CRMP1: variants seen among roughly 807,000 people sequenced by gnomAD.
CRMP1 encodes the protein collapsin response mediator protein 1, also known as dihydropyrimidinase-related protein 1.
CRMP1 carries 19 observed loss-of-function variants against 68.3 expected under a neutral mutation model. That is an observed-to-expected ratio of 0.28 (90% CI 0.19 to 0.41). The LOEUF is 0.41. Among genes scored for constraint, CRMP1 ranks in the 10% least tolerant of loss-of-function variants. The probability of loss-of-function intolerance (pLI) is 1.00; values close to 1 mark genes in which losing one functional copy is unlikely to be tolerated. For synonymous variants in CRMP1, 439 were observed against 399.6 expected, an observed-to-expected ratio of 1.10 and a Z score of -1.18; for missense variants, 791 against 967.4, an observed-to-expected ratio of 0.82 and a Z score of 2.42.
intron 6 of CRMP1, among the ~76,000 whole-genome samples, chr4:5,849,117 C>A (rs1406896459): frequency 6.6e-6 from 1 of 152,190 alleles, no homozygotes; most frequent in African/African-American, 2.4e-5. Flanking sequence ...AGGAGACTGG[C>A]ATGGAACACC....
intron 12 of CRMP1, chr4:5,827,983 A>G: frequency 1.1e-6 from 1 of 951,846 alleles, no homozygotes; most frequent in Non-Finnish European, 1.3e-6. Context: ...AAGGAACGAC[A>G]GGGCAGAAAC....
At chr4:5,832,263 A>G (rs1455293238) in intron 11 of CRMP1, among the ~76,000 whole-genome samples, 1 of 152,240 alleles carries the variant, frequency 6.6e-6, no homozygotes, top group Non-Finnish European at 1.5e-5. Flanking sequence ...AACCTTCTCA[A>G]TATACTAAAA....
chr4:5,821,945 G>C lies in CRMP1; in HGVS notation c.1970-94C>G. On this transcript the variant is annotated intron_variant, in intron 13 of 13. Transcript: ENST00000324989. The surrounding 1 kb of genome is among the most constrained non-coding windows in gnomAD (Gnocchi z 4.4). ...CATGTACTCTGCCATGCACTCCACT[G>C]GACCCACCTTCATTCAGGGCTCAGT... is the stretch of plus-strand genomic sequence containing the variant. The C allele has an allele frequency of 3.9e-5, 38 of 964,014 alleles. No individual in the cohort carries two copies. The highest frequency in any genetic ancestry group is 2.3e-4 in the Middle Eastern group (1 of 4,352). The allele number at this position is 964,014 out of a possible 1,614,324, so 59.7% of individuals were successfully genotyped here.
intron 12 of CRMP1, among the ~76,000 whole-genome samples, chr4:5,827,603 C>T (rs967653558): frequency 2.0e-5 from 3 of 151,964 alleles, no homozygotes; most frequent in African/African-American, 7.3e-5. Context: ...TCACCACATG[C>T]TCGCATACAC....
intron 1 of CRMP1, among the ~76,000 whole-genome samples, chr4:5,882,630 A>G (rs1292870994): frequency 1.3e-5 from 2 of 152,258 alleles, no homozygotes; most frequent in African/African-American, 4.8e-5. Flanking sequence ...ATTGATGCAT[A>G]GAAAGAATAA....
intron 5 of CRMP1, among the ~76,000 whole-genome samples, chr4:5,851,162 G>A (rs761420801): frequency 1.3e-5 from 2 of 152,190 alleles, no homozygotes; most frequent in African/African-American, 2.4e-5. Context: ...TGATGCTGAG[G>A]ATAAGCCAGA....
Position 5,847,296 on chromosome 4 carries a change from G to T in CRMP1, c.963+2096C>A, listed in dbSNP as rs112980232. 6.3e-3 allele frequency among the ~76,000 whole-genome samples: 958 copies of T among 152,212 alleles called. 4 individuals are homozygous for T. The highest frequency in any genetic ancestry group is 8.7e-3 in the Non-Finnish European group (594 of 68,018). ...AGGAGCCTCATCCACACCTGGACCT[G>T]GTTTGGATGATGAGATTCCAGACTG... is the stretch of plus-strand genomic sequence containing the variant. On this transcript the variant is annotated intron_variant, in intron 6 of 13. Coordinates refer to ENST00000324989, the MANE Select transcript of CRMP1 (RefSeq NM_001014809.3).
At chr4:5,847,185 C>T (rs1440268651) in intron 6 of CRMP1, among the ~76,000 whole-genome samples, 1 of 152,164 alleles carries the variant, frequency 6.6e-6, no homozygotes, top group African/African-American at 2.4e-5. Context: ...GTCAGGTCCA[C>T]CACTGCATGT....
chr4:5,846,990 A>G (rs963910200), intron 6 of CRMP1, among the ~76,000 whole-genome samples: 1 of 151,954 alleles, frequency 6.6e-6, no homozygotes, highest in African/African-American at 2.4e-5. Flanking sequence ...CCTTTCACGA[A>G]AAAGGATGGA....
rs912773587 is a variant in CRMP1 at position 5,892,166 on chromosome 4, C to T, written c.381+423G>A. Among the ~76,000 whole-genome samples the T allele has an allele frequency of 3.9e-5, 6 of 152,086 alleles. No homozygotes were observed. Among genetic ancestry groups the T allele is most frequent in the African/African-American group, 1.4e-4 (6 of 41,412 alleles). On this transcript the variant is annotated intron_variant, in intron 1 of 13. Transcript: ENST00000324989. This position sits in a 1 kb window ranked among gnomAD's most constrained non-coding sequence, Gnocchi z 8.6. ...ACAGTAGGTGCTCTATAATTACTAC[C>T]GACTGAGTGGATGGATGAATGGACC...
chr4:5,851,296 A>G (rs1332689009), intron 5 of CRMP1, 112 bp downstream of exon 5: 1 of 931,448 alleles, frequency 1.1e-6, no homozygotes, highest in Non-Finnish European at 1.8e-6. Context: ...CAGAACCAGG[A>G]CTCGAATCCC....
rs1383707347 is a variant in CRMP1, at chr4:5,862,801, A to C, written c.471-1591T>G. 5.3e-5 allele frequency among the ~76,000 whole-genome samples: 8 copies of C among 152,272 alleles called. No individual in the cohort carries two copies. The South Asian group carries it at 1.2e-3, about 24-fold the overall frequency. On this transcript the variant is annotated intron_variant, in intron 2 of 13. Coordinates refer to ENST00000324989, the MANE Select transcript of CRMP1 (RefSeq NM_001014809.3). Reference sequence around the variant, plus strand: ...TTCAGTGGGGGCCAACAAGTACTCTAATGAGAGGTTCTTTTAATTATTTTG... The same window carrying C: ...TTCAGTGGGGGCCAACAAGTACTCTCATGAGAGGTTCTTTTAATTATTTTG...
At chr4:5,829,209 G>A (rs1720157685) in intron 11 of CRMP1, among the ~76,000 whole-genome samples, 1 of 152,058 alleles carries the variant, frequency 6.6e-6, no homozygotes, top group Admixed American at 6.6e-5. Flanking sequence ...TAATTTGAAA[G>A]ACAAAATAAC....
At chr4:5,871,395 T>G (rs1227977023) in intron 1 of CRMP1, among the ~76,000 whole-genome samples, 2 of 152,086 alleles carry the variant, frequency 1.3e-5, no homozygotes, top group African/African-American at 4.8e-5. Context: ...GTGCGGTGGC[T>G]CACACCTGTA....
In CRMP1 at chr4:5,889,343, G is replaced by A. The variant is rs1181477503; in HGVS notation, c.381+3246C>T. The stretch of plus-strand genomic sequence containing the variant: ...CAAGACAGCAGGTGTTTGGAGGGCT[G>A]GGCCACTGGCACCAAGGTCTCCACA... On this transcript the variant is annotated intron_variant, in intron 1 of 13. Coordinates refer to ENST00000324989, the MANE Select transcript of CRMP1 (RefSeq NM_001014809.3). The surrounding 1 kb of genome is among the most constrained non-coding windows in gnomAD (Gnocchi z 4.5). 5.3e-5 allele frequency among the ~76,000 whole-genome samples: 8 copies of A among 152,156 alleles called. No individual in the cohort carries two copies. The highest frequency in any genetic ancestry group is 4.4e-5 in the Non-Finnish European group (3 of 68,030).
In CRMP1 at chr4:5,826,132, G is replaced by A. The variant is rs899387542; in HGVS notation, c.1804-473C>T. On this transcript the variant is annotated intron_variant, in intron 12 of 13. Transcript: ENST00000324989. ...CACCCATATATACACTTACACACACGCATACTCATACACACAAAGCTTCAT... is the reference window on the plus strand; with the variant it reads ...CACCCATATATACACTTACACACACACATACTCATACACACAAAGCTTCAT... The A allele has an allele frequency of 1.7e-4, 29 of 172,898 alleles. No individual in the cohort carries two copies. In the Admixed American group the frequency reaches 1.8e-3, roughly 11 times the overall value. The allele number at this position is 172,898 out of a possible 1,614,324, so 10.7% of individuals were successfully genotyped here. A position where few individuals can be genotyped will look rare whatever the true frequency, so the allele number is the denominator to read the frequency against.
chr4:5,839,733 T>C, intron 8 of CRMP1, 55 bp from the exon 9 acceptor site: 1 of 1,533,296 alleles, frequency 6.5e-7, no homozygotes, highest in Non-Finnish European at 8.8e-7. Context: ...TTGAGGCAGA[T>C]GTCAAAGGCA....
Position 5,860,927 on chromosome 4 carries a change from T to C in CRMP1, c.655+99A>G. 4 of 1,254,514 alleles carry C rather than the reference T, an allele frequency of 3.2e-6. No homozygotes were observed. The East Asian group carries it at 9.8e-5, about 31-fold the overall frequency. The allele number at this position is 1,254,514 out of a possible 1,614,324, so 77.7% of individuals were successfully genotyped here. On this transcript the variant is annotated intron_variant, in intron 3 of 13. Transcript: ENST00000324989. The surrounding 1 kb of genome is among the most constrained non-coding windows in gnomAD (Gnocchi z 4.2). ...GGGAGAATGAAATCCAATGGCACCC[T>C]GGGCAGAGAGCCTCGAACACACTGA... is the stretch of plus-strand genomic sequence containing the variant.
intron 1 of CRMP1, among the ~76,000 whole-genome samples, chr4:5,868,280 T>C (rs1284571135): frequency 2.3e-5 from 2 of 86,346 alleles, no homozygotes; most frequent in Non-Finnish European, 4.8e-5. Context: ...TATATATATA[T>C]ATATATATAT....
Sources: allele counts gnomAD v4.1 joint callset (sites outside exome capture counted in the v4.1 genomes callset), GRCh38; gene constraint gnomAD v4.1.1; non-coding constraint Gnocchi (gnomAD v3.1); transcripts MANE v1.5; gene names NCBI Gene and HGNC (gene_info 2026-07-23, HGNC 2026-07-21).